Variants in FGD4 observed in about 807,000 individuals in gnomAD.
FGD4 encodes the protein FYVE, RhoGEF and PH domain containing 4, also known as FYVE, RhoGEF and PH domain-containing protein 4.
Under a neutral mutation model 102.0 loss-of-function variants are expected in FGD4, and 42 were observed. The ratio of observed to expected loss-of-function variants is 0.41; its 90% CI spans 0.32 to 0.53. The LOEUF (loss-of-function observed/expected upper bound fraction) is 0.53. FGD4 is among the 20% of genes least tolerant of loss of function. The probability of loss-of-function intolerance (pLI) is 0.21; values close to 1 mark genes in which losing one functional copy is unlikely to be tolerated. For synonymous variants in FGD4, 380 were observed against 375.7 expected, an observed-to-expected ratio of 1.01 and a Z score of -0.13; for missense variants, 902 against 1,078.2, an observed-to-expected ratio of 0.84 and a Z score of 2.29.
chr12:32,624,339 GAAC>G, intron 11 of FGD4, 80 bp from the exon 12 acceptor site: 3 of 1,118,032 alleles, frequency 2.7e-6, no homozygotes, highest in Non-Finnish European at 3.9e-6. Flanking sequence ...CAGAAAGTTG[GAAC>G]AACAGGAAAG....
intron 1 of FGD4, among the ~76,000 whole-genome samples, chr12:32,423,320 G>C (rs1166260261): frequency 6.6e-6 from 1 of 152,038 alleles, no homozygotes; most frequent in East Asian, 1.9e-4. Flanking sequence ...AGGCCAGCAC[G>C]GTGACTCACA....
At chr12:32,529,819 G>A (rs1941621205) in intron 1 of FGD4, among the ~76,000 whole-genome samples, 1 of 149,320 alleles carries the variant, frequency 6.7e-6, no homozygotes, top group Non-Finnish European at 1.5e-5. Flanking sequence ...CTCCAGCATG[G>A]GTGACAGAGT....
At chr12:32,594,414 C>T (rs993112818) in intron 4 of FGD4, among the ~76,000 whole-genome samples, 1 of 152,138 alleles carries the variant, frequency 6.6e-6, no homozygotes, top group Non-Finnish European at 1.5e-5. Context: ...TGTCTAGTTG[C>T]AGGAAAACAA....
rs114175300 is a variant in FGD4, at chr12:32,474,456, T to G, written c.166+74497T>G. 8.8e-3 allele frequency among the ~76,000 whole-genome samples: 1,340 copies of G among 152,274 alleles called. 15 individuals carry two copies. Among genetic ancestry groups the G allele is most frequent in the African/African-American group, 0.031 (1,274 of 41,552 alleles). ...TCCTACCTACAACATGGATGAATCT[T>G]AAAAATGTACTAAGTGAAAGAATCC... is the stretch of plus-strand genomic sequence containing the variant. On this transcript the variant is annotated intron_variant, in intron 1 of 16. Coordinates refer to ENST00000534526, the MANE Select transcript of FGD4 (RefSeq NM_001370298.3).
intron 1 of FGD4, among the ~76,000 whole-genome samples, chr12:32,411,120 G>C (rs1046805702): frequency 6.6e-5 from 10 of 150,970 alleles, no homozygotes; most frequent in African/African-American, 1.7e-4. Flanking sequence ...GTAGAGACGG[G>C]GTTTTACCAG....
intron 1 of FGD4, among the ~76,000 whole-genome samples, chr12:32,558,943 A>C (rs1376335526): frequency 6.6e-6 from 1 of 152,264 alleles, no homozygotes; most frequent in African/African-American, 2.4e-5. Context: ...AAGAGGAGAT[A>C]GTATTTAAAT....
chr12:32,399,693 G>T lies in FGD4; in HGVS notation c.-101G>T. 1 of 1,464,924 alleles carries T rather than the reference G, an allele frequency of 6.8e-7. No homozygotes were observed. Among genetic ancestry groups the T allele is most frequent in the Non-Finnish European group, 8.9e-7 (1 of 1,118,604 alleles). The allele number at this position is 1,464,924 out of a possible 1,614,324, so 90.7% of individuals were successfully genotyped here. On this transcript the variant is annotated 5_prime_UTR_variant, in exon 1 of 17. Transcript: ENST00000534526. The stretch of plus-strand genomic sequence containing the variant: ...GACGCCGCAGTAGAGGGCGCCCCCG[G>T]AGTCGCGCCGAACCTGGGCATGCAG...
intron 1 of FGD4, among the ~76,000 whole-genome samples, chr12:32,524,524 T>TTAA (rs1555194664): frequency 1.5e-5 from 2 of 134,434 alleles, no homozygotes; most frequent in Non-Finnish European, 1.7e-5. Flanking sequence ...ATAATTCAAA[T>TTAA]AAAAAAAAAA....
chr12:32,465,072 G>A (rs1591952859), intron 1 of FGD4, among the ~76,000 whole-genome samples: 1 of 152,126 alleles, frequency 6.6e-6, no homozygotes, highest in African/African-American at 2.4e-5. Flanking sequence ...AACAGGAGGA[G>A]TAAAAACAAT....
At chr12:32,528,154 C>G (rs1055348206) in intron 1 of FGD4, among the ~76,000 whole-genome samples, 2 of 151,938 alleles carry the variant, frequency 1.3e-5, no homozygotes, top group African/African-American at 4.8e-5. Context: ...CCAGCCTGGT[C>G]TCAAACTCCT....
chr12:32,581,525 ACACT>A (rs1282929009), intron 3 of FGD4, among the ~76,000 whole-genome samples: 1 of 152,250 alleles, frequency 6.6e-6, no homozygotes, highest in Non-Finnish European at 1.5e-5. Flanking sequence ...AGGACTGGCT[ACACT>A]GTACTATTTA....
chr12:32,641,760 C>T lies in FGD4; in HGVS notation c.*1227C>T, dbSNP rs1397288211. 6.6e-6 allele frequency: 1 copy of T among 152,052 alleles called. No homozygotes were observed. Among genetic ancestry groups the T allele is most frequent in the East Asian group, 1.9e-4 (1 of 5,188 alleles). The allele number at this position is 152,052 out of a possible 1,614,324, so 9.4% of individuals were successfully genotyped here. Reference sequence around the variant, plus strand: ...TAACTGTATGGGCCTTTTCCTTTGTCGGAATGAAACAAAATCCACATGTGA... The same window carrying T: ...TAACTGTATGGGCCTTTTCCTTTGTTGGAATGAAACAAAATCCACATGTGA... On this transcript the variant is annotated 3_prime_UTR_variant, in exon 17 of 17. Transcript: ENST00000534526.
chr12:32,501,191 A>G (rs1938191219), intron 1 of FGD4, among the ~76,000 whole-genome samples: 1 of 152,208 alleles, frequency 6.6e-6, no homozygotes, highest in South Asian at 2.1e-4. Context: ...AGCTGGGACT[A>G]CAGGTGCGCA....
intron 1 of FGD4, among the ~76,000 whole-genome samples, chr12:32,500,001 A>G (rs1938069697): frequency 6.6e-6 from 1 of 152,206 alleles, no homozygotes; most frequent in Non-Finnish European, 1.5e-5. Flanking sequence ...GTGAGACCCT[A>G]TCTCCAAGAA....
At chr12:32,590,309 TA>T (rs939160366) in intron 4 of FGD4, among the ~76,000 whole-genome samples, 2,202 of 80,486 alleles carry the variant, frequency 0.027, 33 homozygotes, top group African/African-American at 0.078. Flanking sequence ...AGACTTCATC[TA>T]AAAAAAAAAA....
intron 1 of FGD4, among the ~76,000 whole-genome samples, chr12:32,507,504 A>G (rs561961684): frequency 2.0e-5 from 3 of 152,336 alleles, no homozygotes; most frequent in East Asian, 1.9e-4. Flanking sequence ...AGGAAAGCCA[A>G]TCGTCAGTAT....
At chr12:32,577,926 G>T (rs1472511599) in intron 3 of FGD4, among the ~76,000 whole-genome samples, 1 of 152,134 alleles carries the variant, frequency 6.6e-6, no homozygotes, top group Non-Finnish European at 1.5e-5. Flanking sequence ...ACTCTCTGAA[G>T]CCTGGAAAGG....
intron 1 of FGD4, among the ~76,000 whole-genome samples, chr12:32,483,925 T>TAAA (rs1943825846): frequency 1.3e-5 from 2 of 152,180 alleles, no homozygotes; most frequent in African/African-American, 4.8e-5. Context: ...AGATCAGCTT[T>TAAA]TAAAGTTTAT....
chr12:32,619,500 C>A (rs1290384619), intron 10 of FGD4, among the ~76,000 whole-genome samples, 198 bp from the exon 11 acceptor site: 1 of 151,856 alleles, frequency 6.6e-6, no homozygotes, highest in Admixed American at 6.6e-5. Flanking sequence ...GACGTGGTGG[C>A]GGGTGCCTGT....
Sources: allele counts gnomAD v4.1 joint callset (sites outside exome capture counted in the v4.1 genomes callset), GRCh38; gene constraint gnomAD v4.1.1; transcripts MANE v1.5; gene names NCBI Gene and HGNC (gene_info 2026-07-23, HGNC 2026-07-21).